Variants in SLC18A2 observed in about 807,000 individuals in gnomAD.
The protein encoded by SLC18A2 is solute carrier family 18 member A2.
In SLC18A2, 33 loss-of-function variants were observed where a neutral mutation model predicts 59.2. The observed-to-expected ratio is 0.56, with a 90% confidence interval of 0.42 to 0.75. The LOEUF is 0.75. Among genes scored for constraint, SLC18A2 ranks in the 30% least tolerant of loss-of-function variants. The pLI, the probability that SLC18A2 is intolerant of heterozygous loss-of-function variation, is 0.00. For synonymous variants in SLC18A2, 228 were observed against 253.5 expected (o/e 0.90, Z 0.95); for missense variants, 569 against 668.6 (o/e 0.85, Z 1.64).
rs768250016 is a variant in SLC18A2, at chr10:117,277,145, A to C, written c.1441-17A>C. On this transcript the variant is annotated splice_polypyrimidine_tract_variant and intron_variant, in intron 15 of 15. Coordinates refer to ENST00000644641, the MANE Select transcript of SLC18A2 (RefSeq NM_003054.6). ...TGAAACAAGAAGTTAATATACTTGC[A>C]CTTTGCTCTCTTTTAGGCTATTCTC... 55 of 1,355,068 alleles carry C rather than the reference A, an allele frequency of 4.1e-5. 2 individuals are homozygous for C. The South Asian group carries it at 6.3e-4, about 16-fold the overall frequency. 83.9% of individuals were successfully genotyped at this position (1,355,068 alleles called of 1,614,324 possible). A position where few individuals can be genotyped will look rare whatever the true frequency, so the allele number is the denominator to read the frequency against.
intron 3 of SLC18A2, among the ~76,000 whole-genome samples, chr10:117,249,926 C>T (rs1297909834): frequency 6.6e-6 from 1 of 152,172 alleles, no homozygotes; most frequent in Non-Finnish European, 1.5e-5. Flanking sequence ...TCAGATCTGG[C>T]TCTGCTTAGC....
chr10:117,267,219 C>T, intron 12 of SLC18A2, 184 bp downstream of exon 12: 1 of 566,976 alleles, frequency 1.8e-6, no homozygotes. Context: ...AGTGTATTTT[C>T]ATTTTATGTC....
In SLC18A2 at chr10:117,241,738, C is replaced by T. The variant is rs371946127; in HGVS notation, c.45C>T (p.Ser15=). The change falls in exon 2 of 16, where the codon AGC becomes AGT. Residue 15 remains serine, a synonymous_variant. Coordinates refer to ENST00000644641, the MANE Select transcript of SLC18A2 (RefSeq NM_003054.6). ...CGCTGGTCCGCTGGCTGCAGGAGAG[C>T]CGCCGCTCGCGGAAGCTCATCCTGT... ...ELALVRWLQE[S]RRSRKLILFI... The T allele has an allele frequency of 6.2e-7, 1 of 1,608,726 alleles. No individual in the cohort carries two copies. Among genetic ancestry groups the T allele is most frequent in the Non-Finnish European group, 8.5e-7 (1 of 1,178,392 alleles).
At chr10:117,251,870 C>A (rs1303228401) in intron 3 of SLC18A2, among the ~76,000 whole-genome samples, 3 of 151,946 alleles carry the variant, frequency 2.0e-5, no homozygotes, top group Non-Finnish European at 4.4e-5. Flanking sequence ...TGAAATAGGG[C>A]CCTTATTAAA....
chr10:117,270,496 T>C, intron 15 of SLC18A2, 33 bp downstream of exon 15: 1 of 1,609,290 alleles, frequency 6.2e-7, no homozygotes. Flanking sequence ...TGAGCATTTC[T>C]TGATAATTTT....
intron 10 of SLC18A2, among the ~76,000 whole-genome samples, chr10:117,258,620 T>C (rs1013182221): frequency 3.9e-5 from 6 of 152,166 alleles, no homozygotes; most frequent in African/African-American, 1.4e-4. Flanking sequence ...AAGTCAAAGA[T>C]AAAAGAATTA....
chr10:117,266,008 T>C (rs1163693180), intron 10 of SLC18A2, among the ~76,000 whole-genome samples: 2 of 148,034 alleles, frequency 1.4e-5, no homozygotes, highest in Non-Finnish European at 3.0e-5. Context: ...GAGAATCACT[T>C]GAACCTGGGA....
intron 10 of SLC18A2, among the ~76,000 whole-genome samples, chr10:117,259,565 C>T (rs2133737202): frequency 6.6e-6 from 1 of 152,322 alleles, no homozygotes; most frequent in African/African-American, 2.4e-5. Context: ...TGAGACCCTG[C>T]ATAGTTGCAA....
intron 3 of SLC18A2, among the ~76,000 whole-genome samples, chr10:117,247,539 G>A (rs913212354): frequency 2.0e-5 from 3 of 152,206 alleles, no homozygotes; most frequent in East Asian, 1.9e-4. Flanking sequence ...AATAAAGAAT[G>A]CAGCTCAAAA....
chr10:117,241,864 C>T lies in SLC18A2; in HGVS notation c.121+50C>T, dbSNP rs528468344. Reference sequence around the variant, plus strand: ...CCCCGGCACCCCAGCCCCAGCGCCCCTTCCCCGGCACTCCACTTACCCCTG... The same window carrying T: ...CCCCGGCACCCCAGCCCCAGCGCCCTTTCCCCGGCACTCCACTTACCCCTG... On this transcript the variant is annotated intron_variant, in intron 2 of 15. Coordinates refer to ENST00000644641, the MANE Select transcript of SLC18A2 (RefSeq NM_003054.6). The T allele has an allele frequency of 7.8e-6, 12 of 1,543,260 alleles. No individual in the cohort carries two copies. In the African/African-American group the frequency reaches 1.4e-4, roughly 18 times the overall value.
chr10:117,268,529 G>A (rs182328742), intron 13 of SLC18A2: 2 of 152,384 alleles, frequency 1.3e-5, no homozygotes, highest in South Asian at 2.1e-4. Flanking sequence ...GTCCTCTGGC[G>A]GCTCCCCTTG....
At position 117,255,375 on chromosome 10, in the gene SLC18A2, G is replaced by A. The variant is rs760387700; in HGVS notation, c.790+9G>A. The stretch of plus-strand genomic sequence containing the variant: ...GGTACTCTTGGATGGAGGTGAGTGA[G>A]TCCACGTGGGCGCCATGCCATGACC... On this transcript the variant is annotated intron_variant, in intron 7 of 15. Transcript: ENST00000644641. 8.1e-6 allele frequency: 13 copies of A among 1,614,140 alleles called. No individual in the cohort carries two copies. In the Admixed American group the frequency reaches 2.0e-4, roughly 25 times the overall value.
At chr10:117,248,749 G>A (rs975596941) in intron 3 of SLC18A2, among the ~76,000 whole-genome samples, 4 of 152,188 alleles carry the variant, frequency 2.6e-5, no homozygotes, top group Admixed American at 6.5e-5. Flanking sequence ...TAACGATATG[G>A]CATTGTGGTC....
chr10:117,255,115 G>T (rs1476894678), intron 6 of SLC18A2, among the ~76,000 whole-genome samples, 162 bp from the exon 7 acceptor site: 1 of 152,236 alleles, frequency 6.6e-6, no homozygotes, highest in Non-Finnish European at 1.5e-5. Context: ...GGAGGAAGTT[G>T]CCAAGACAAC....
Position 117,277,434 on chromosome 10 carries a change from TAAAGAA to T in SLC18A2, c.*175_*180del. On this transcript the variant is annotated 3_prime_UTR_variant, in exon 16 of 16. Coordinates refer to ENST00000644641, the MANE Select transcript of SLC18A2 (RefSeq NM_003054.6). ...TTATGGTCGATTGCCAACAGCCTTA[TAAAGAA>T]AAAGAAGCTTTTCTAGGGGTTTGTA... 2.4e-6 allele frequency: 1 copy of T among 424,748 alleles called. No individual in the cohort carries two copies. Among genetic ancestry groups the T allele is most frequent in the Admixed American group, 4.2e-5 (1 of 23,812 alleles). The allele number at this position is 424,748 out of a possible 1,614,324, so 26.3% of individuals were successfully genotyped here.
At chr10:117,255,704 C>G (rs757547628) in intron 9 of SLC18A2, 47 bp downstream of exon 9, 18 of 1,570,218 alleles carry the variant, frequency 1.1e-5, no homozygotes, top group Non-Finnish European at 1.5e-5. Flanking sequence ...GAGGTGATGG[C>G]CGCGTGCTGG....
Position 117,258,716 on chromosome 10 carries a change from C to T in SLC18A2, c.991+824C>T, listed in dbSNP as rs1244525634. On this transcript the variant is annotated intron_variant, in intron 10 of 15. Transcript: ENST00000644641. ...TCACCTTCAACGTTTTTAGATCTTT[C>T]TTCTGCTGATACCCTTATGTCTCTA... Among the ~76,000 whole-genome samples, 4 of 151,334 alleles carry T rather than the reference C, an allele frequency of 2.6e-5. No homozygotes were observed. In the East Asian group the frequency reaches 5.8e-4, roughly 22 times the overall value.
In SLC18A2 at chr10:117,267,067, A is replaced by G. The variant is rs766442755; in HGVS notation, c.1122+32A>G. 7 of 1,538,394 alleles carry G rather than the reference A, an allele frequency of 4.6e-6. No individual in the cohort carries two copies. In the East Asian group the frequency reaches 1.6e-4, roughly 35 times the overall value. ...AAAAGATGGCATTTGACAAGTGGGA[A>G]CAATCTGTGAATAAAACTTGCGCTT... On this transcript the variant is annotated intron_variant, in intron 12 of 15. Coordinates refer to ENST00000644641, the MANE Select transcript of SLC18A2 (RefSeq NM_003054.6).
chr10:117,256,805 G>T (rs889888138), intron 9 of SLC18A2, among the ~76,000 whole-genome samples: 4 of 152,160 alleles, frequency 2.6e-5, no homozygotes, highest in Non-Finnish European at 5.9e-5. Context: ...AGGGACGGGG[G>T]CTCCAGAAAT....
Sources: allele counts gnomAD v4.1 joint callset (sites outside exome capture counted in the v4.1 genomes callset), GRCh38; gene constraint gnomAD v4.1.1; transcripts MANE v1.5; gene names NCBI Gene and HGNC (gene_info 2026-07-23, HGNC 2026-07-21).